The following HDAC9 variants were observed in gnomAD, a reference collection of about 807,000 sequenced individuals.
HDAC9 encodes histone deacetylase 9.
Under a neutral mutation model 139.4 loss-of-function variants are expected in HDAC9, and 41 were observed. The observed-to-expected ratio is 0.29, with a 90% CI of 0.23 to 0.38. HDAC9 has a LOEUF of 0.38. Among genes scored for constraint, HDAC9 ranks in the 10% least tolerant of loss-of-function variants. The pLI, the probability that HDAC9 is intolerant of heterozygous loss-of-function variation, is 1.00. For missense variants in HDAC9, 1,147 were observed against 1,297.0 expected (o/e 0.88, Z 1.78); for synonymous variants, 517 against 476.2 (o/e 1.09, Z -1.12).
chr7:18,726,544 C>T (rs1419389514), intron 12 of HDAC9, among the ~76,000 whole-genome samples: 1 of 151,990 alleles, frequency 6.6e-6, no homozygotes, highest in African/African-American at 2.4e-5. Context: ...TTATCCATGG[C>T]AAGAGAGTAT....
At chr7:18,170,561 G>GT (rs146986627) in intron 2 of HDAC9, among the ~76,000 whole-genome samples, 61,827 of 151,554 alleles carry the variant, frequency 0.41, 13,814 homozygotes, top group African/African-American at 0.59. Context: ...TTCTTCTAGG[G>GT]TTTTTTTTAT....
chr7:18,746,315 A>T (rs1400773908), intron 13 of HDAC9, among the ~76,000 whole-genome samples: 1 of 152,252 alleles, frequency 6.6e-6, no homozygotes, highest in Non-Finnish European at 1.5e-5. Context: ...TACTTGATAT[A>T]TTTAAATTGT....
At chr7:18,492,110 G>A (rs547751948), upstream of HDAC9, among the ~76,000 whole-genome samples, 3 of 151,930 alleles carry the variant, frequency 2.0e-5, no homozygotes, top group Non-Finnish European at 2.9e-5. Context: ...AAAACTAATC[G>A]CTTCACCAGA....
At chr7:18,889,138 A>G (rs1371385672) in intron 22 of HDAC9, among the ~76,000 whole-genome samples, 1 of 152,030 alleles carries the variant, frequency 6.6e-6, no homozygotes, top group African/African-American at 2.4e-5. Flanking sequence ...TTTTTTCACT[A>G]TTCTGCAGCC....
At position 18,193,777 on chromosome 7, in the gene HDAC9, C is replaced by T. The variant is rs552186696; in HGVS notation, c.25+31428C>T. 2.0e-5 allele frequency among the ~76,000 whole-genome samples: 3 copies of T among 152,172 alleles called. No homozygotes were observed. In the East Asian group the frequency reaches 5.8e-4, roughly 29 times the overall value. ...TCTGACTACCTGAGAATTGAGGCAG[C>T]AGGGCCAAGGGGGCCGACTTGCCAC... On this transcript the variant is annotated intron_variant, in intron 2 of 12. Coordinates refer to the HDAC9 transcript ENST00000417496.
At position 18,863,326 on chromosome 7, in the gene HDAC9, A is replaced by C. The variant is rs554307093; in HGVS notation, c.2685-11152A>C. ...CCATGTGCTAGACTTTAGCTTGTCC[A>C]ACCCATGGCCCATGGGCCACATGGG... On this transcript the variant is annotated intron_variant, in intron 21 of 25. Coordinates refer to ENST00000686413, the MANE Select transcript of HDAC9 (RefSeq NM_178425.4). Among the ~76,000 whole-genome samples, 27 of 152,326 alleles carry C rather than the reference A, an allele frequency of 1.8e-4. No homozygotes were observed. The South Asian group carries it at 5.0e-3, about 28-fold the overall frequency.
intron 1 of HDAC9, among the ~76,000 whole-genome samples, chr7:18,144,255 G>A (rs923059555): frequency 6.6e-6 from 1 of 152,140 alleles, no homozygotes; most frequent in Non-Finnish European, 1.5e-5. Flanking sequence ...AACACTTTGA[G>A]GTATTTTCTT....
chr7:18,745,155 A>T (rs894061122), intron 13 of HDAC9, among the ~76,000 whole-genome samples: 14 of 152,194 alleles, frequency 9.2e-5, no homozygotes, highest in Admixed American at 7.2e-4. Flanking sequence ...TGAGAAGCCA[A>T]AGAGAGAGAA....
intron 2 of HDAC9, among the ~76,000 whole-genome samples, chr7:18,185,743 C>T (rs975447006): frequency 1.8e-4 from 27 of 152,132 alleles, no homozygotes; most frequent in Non-Finnish European, 3.5e-4. Context: ...TGAAACTGTA[C>T]ATTAATTTCC....
chr7:18,184,400 CAAAT>C (rs1001607711), intron 2 of HDAC9, among the ~76,000 whole-genome samples: 2 of 152,038 alleles, frequency 1.3e-5, no homozygotes, highest in Non-Finnish European at 2.9e-5. Context: ...AACTCCATCT[CAAAT>C]AAATAAAAAA....
At chr7:18,765,064 C>T (rs1239268571) in intron 15 of HDAC9, among the ~76,000 whole-genome samples, 2 of 152,106 alleles carry the variant, frequency 1.3e-5, no homozygotes, top group East Asian at 3.9e-4. Flanking sequence ...GCTCTTATGA[C>T]CAGTTTCCAG....
chr7:18,323,552 C>T (rs1039493622), intron 1 of HDAC9, among the ~76,000 whole-genome samples: 1 of 152,088 alleles, frequency 6.6e-6, no homozygotes, highest in Non-Finnish European at 1.5e-5. Context: ...ATGCTGATGT[C>T]TAGGCTTTAA....
chr7:18,189,940 TG>T (rs1562727901), intron 2 of HDAC9, among the ~76,000 whole-genome samples: 33 of 152,194 alleles, frequency 2.2e-4, no homozygotes, highest in African/African-American at 7.7e-4. Flanking sequence ...TGTGTGTGTG[TG>T]TGTGTGTGTA....
chr7:18,261,693 C>G (rs1795690489), intron 2 of HDAC9, among the ~76,000 whole-genome samples: 1 of 152,166 alleles, frequency 6.6e-6, no homozygotes, highest in Non-Finnish European at 1.5e-5. Context: ...ATGGAGCATA[C>G]TTTTTCCATT....
At chr7:18,976,043 C>T in intron 25 of HDAC9, 90 bp downstream of exon 25, 2 of 1,322,160 alleles carry the variant, frequency 1.5e-6, no homozygotes, top group South Asian at 2.8e-5. Flanking sequence ...CTTTCCTTCA[C>T]CTGTCTCCTC....
chr7:18,902,926 A>T (rs1341809764), intron 22 of HDAC9, among the ~76,000 whole-genome samples: 1 of 152,196 alleles, frequency 6.6e-6, no homozygotes, highest in Non-Finnish European at 1.5e-5. Flanking sequence ...ATCTATAGTA[A>T]TAGTATTTAT....
chr7:18,572,223 G>T (rs1487949511), intron 2 of HDAC9, among the ~76,000 whole-genome samples: 2 of 150,718 alleles, frequency 1.3e-5, no homozygotes, highest in Admixed American at 1.3e-4. Context: ...AAATATTAGG[G>T]TTTCATAATG....
At position 18,604,690 on chromosome 7, in the gene HDAC9, C is replaced by T. The variant is rs528164793; in HGVS notation, c.664+10661C>T. Among the ~76,000 whole-genome samples, 21 of 152,228 alleles carry T rather than the reference C, an allele frequency of 1.4e-4. No individual in the cohort carries two copies. The East Asian group carries it at 2.1e-3, about 15-fold the overall frequency. ...CTGGGATTACAGGCGTGAGCCACCG[C>T]GCCCGGATAAGACCTTTTTTAAATT... On this transcript the variant is annotated intron_variant, in intron 6 of 25. Coordinates refer to ENST00000686413, the MANE Select transcript of HDAC9 (RefSeq NM_178425.4).
chr7:18,371,489 A>G (rs1784588977), intron 1 of HDAC9, among the ~76,000 whole-genome samples: 1 of 152,164 alleles, frequency 6.6e-6, no homozygotes, highest in African/African-American at 2.4e-5. Context: ...TTCTAGTATA[A>G]GATAGTCTAT....
Sources: allele counts gnomAD v4.1 joint callset (sites outside exome capture counted in the v4.1 genomes callset), GRCh38; gene constraint gnomAD v4.1.1; transcripts MANE v1.5; gene names NCBI Gene and HGNC (gene_info 2026-07-23, HGNC 2026-07-21).